SLC12A8: variants seen among roughly 807,000 people sequenced by gnomAD.
SLC12A8 encodes the protein solute carrier family 12 member 8.
A neutral mutation model predicts 75.6 loss-of-function variants in SLC12A8; 69 were observed. The ratio of observed to expected loss-of-function variants is 0.91; its 90% CI spans 0.75 to 1.11. SLC12A8 has a LOEUF of 1.11. Ranked by LOEUF, SLC12A8 falls within the 50% of genes most tolerant of loss-of-function variation. The probability of loss-of-function intolerance (pLI) is 0.00; values close to 1 mark genes in which losing one functional copy is unlikely to be tolerated. For missense variants in SLC12A8, 877 were observed against 896.7 expected (o/e 0.98, Z 0.28); for synonymous variants, 365 against 372.8 (o/e 0.98, Z 0.24).
chr3:125,211,186 T>C, intron 2 of SLC12A8, 113 bp downstream of exon 2: 1 of 866,388 alleles, frequency 1.2e-6, no homozygotes, highest in South Asian at 1.3e-5. Flanking sequence ...AAAATAGACT[T>C]TGGAGTTAAT....
intron 6 of SLC12A8, among the ~76,000 whole-genome samples, chr3:125,122,723 C>T (rs1166010829): frequency 6.6e-6 from 1 of 152,176 alleles, no homozygotes; most frequent in Non-Finnish European, 1.5e-5. Flanking sequence ...GGAGACAGAC[C>T]TAACCATGCG....
chr3:125,107,024 T>C (rs924634076), intron 10 of SLC12A8, among the ~76,000 whole-genome samples: 2 of 152,230 alleles, frequency 1.3e-5, no homozygotes, highest in African/African-American at 2.4e-5. Flanking sequence ...TTTATAGATT[T>C]GAGAAAACAA....
chr3:125,179,295 T>C (rs1415092473), intron 4 of SLC12A8, among the ~76,000 whole-genome samples: 1 of 152,216 alleles, frequency 6.6e-6, no homozygotes, highest in Non-Finnish European at 1.5e-5. Flanking sequence ...TAAGTTTGTC[T>C]CCCCACCCCA....
intron 2 of SLC12A8, among the ~76,000 whole-genome samples, chr3:125,202,920 T>C (rs1935153854): frequency 6.6e-6 from 1 of 151,836 alleles, no homozygotes; most frequent in Non-Finnish European, 1.5e-5. Flanking sequence ...AAACCCCGTC[T>C]CTACTAAAAA....
intron 8 of SLC12A8, among the ~76,000 whole-genome samples, chr3:125,117,682 C>T (rs1281310288): frequency 6.6e-6 from 1 of 152,114 alleles, no homozygotes; most frequent in Non-Finnish European, 1.5e-5. Context: ...ACTCCCTAAC[C>T]AACTACATTT....
chr3:125,101,882 G>A (rs1054494321), intron 10 of SLC12A8, among the ~76,000 whole-genome samples: 1 of 152,138 alleles, frequency 6.6e-6, no homozygotes, highest in African/African-American at 2.4e-5. Flanking sequence ...ATTCAAGTAG[G>A]CTTTACTGAG....
chr3:125,149,374 G>C (rs1933865038), intron 5 of SLC12A8, among the ~76,000 whole-genome samples: 2 of 152,192 alleles, frequency 1.3e-5, no homozygotes, highest in African/African-American at 2.4e-5. Context: ...CCAGGGGTCT[G>C]GGATTCTGGT....
chr3:125,109,526 C>G (rs1435048233), intron 9 of SLC12A8, among the ~76,000 whole-genome samples: 4 of 152,212 alleles, frequency 2.6e-5, no homozygotes, highest in African/African-American at 9.6e-5. Context: ...GGGAGGCCCT[C>G]TGGGGTACCC....
At chr3:125,172,779 T>C (rs991943586) in intron 5 of SLC12A8, among the ~76,000 whole-genome samples, 1 of 152,244 alleles carries the variant, frequency 6.6e-6, no homozygotes, top group African/African-American at 2.4e-5. Flanking sequence ...TTTTACATTA[T>C]ACATTTCAGG....
At chr3:125,157,473 T>G (rs1350750242) in intron 5 of SLC12A8, among the ~76,000 whole-genome samples, 2 of 152,148 alleles carry the variant, frequency 1.3e-5, no homozygotes. Context: ...TTCCCTGAGC[T>G]TCCCTCTGCC....
chr3:125,144,252 C>T (rs533434413), intron 5 of SLC12A8, among the ~76,000 whole-genome samples: 47 of 152,324 alleles, frequency 3.1e-4, no homozygotes, highest in African/African-American at 1.1e-3. Context: ...CGTATTAACT[C>T]ATTGAAGCCT....
chr3:125,115,411 T>C (rs945983584), intron 8 of SLC12A8, among the ~76,000 whole-genome samples: 7 of 151,974 alleles, frequency 4.6e-5, no homozygotes, highest in Non-Finnish European at 1.0e-4. Flanking sequence ...TAATCCCAGC[T>C]ACTTGGGGGG....
intron 5 of SLC12A8, among the ~76,000 whole-genome samples, chr3:125,149,560 G>T (rs1933868286): frequency 6.6e-6 from 1 of 152,172 alleles, no homozygotes; most frequent in Admixed American, 6.5e-5. Flanking sequence ...TCTAGCCAGA[G>T]AAATATTAAA....
At chr3:125,193,477 C>A (rs1351912314) in intron 2 of SLC12A8, among the ~76,000 whole-genome samples, 6 of 152,228 alleles carry the variant, frequency 3.9e-5, no homozygotes, top group Non-Finnish European at 1.5e-5. Context: ...GCCCAGAGCT[C>A]GCCTCTTGGG....
intron 4 of SLC12A8, among the ~76,000 whole-genome samples, chr3:125,185,304 G>A (rs1190461378): frequency 6.7e-6 from 1 of 150,062 alleles, no homozygotes; most frequent in Non-Finnish European, 1.5e-5. Context: ...TGGGAAACAA[G>A]AGCAAAACGG....
intron 5 of SLC12A8, among the ~76,000 whole-genome samples, chr3:125,152,605 C>G (rs1933954282): frequency 6.6e-6 from 1 of 152,068 alleles, no homozygotes; most frequent in Non-Finnish European, 1.5e-5. Context: ...TTCTAGAAAA[C>G]AGTTGGCAGG....
chr3:125,129,978 C>T (rs1388950976), intron 6 of SLC12A8, among the ~76,000 whole-genome samples: 1 of 152,138 alleles, frequency 6.6e-6, no homozygotes, highest in Non-Finnish European at 1.5e-5. Context: ...CCTCTGCACC[C>T]CTCCTCCCCA....
intron 5 of SLC12A8, among the ~76,000 whole-genome samples, chr3:125,137,335 A>G (rs1303063345): frequency 2.0e-5 from 3 of 152,252 alleles, no homozygotes; most frequent in Admixed American, 2.0e-4. Flanking sequence ...GCCTGAACAC[A>G]GAATTTGTTC....
chr3:125,173,452 CAAAAAAAA>C (rs61001520), intron 5 of SLC12A8, among the ~76,000 whole-genome samples: 1 of 79,626 alleles, frequency 1.3e-5, no homozygotes. Flanking sequence ...ATTCATGAGC[CAAAAAAAA>C]AAAAAAAAAA....
Sources: gnomAD v4.1 joint callset for allele counts (sites outside exome capture counted in the v4.1 genomes callset) on GRCh38, gnomAD v4.1.1 for gene constraint, MANE v1.5 for transcripts, NCBI Gene and HGNC (gene_info 2026-07-23, HGNC 2026-07-21) for gene names.